The following FRMD4B variants were observed in gnomAD, a reference collection of about 807,000 sequenced individuals.
FRMD4B encodes FERM domain-containing protein 4B.
Under a neutral mutation model 141.5 loss-of-function variants are expected in FRMD4B, and 74 were observed. The ratio of observed to expected loss-of-function variants is 0.52; its 90% CI spans 0.43 to 0.63. The LOEUF (loss-of-function observed/expected upper bound fraction) is 0.63, where lower values mean the gene tolerates loss of function less well. FRMD4B is among the 30% of genes least tolerant of loss of function. The pLI is 0.00. For missense variants in FRMD4B, 1,366 were observed against 1,253.4 expected, an observed-to-expected ratio of 1.09 and a Z score of -1.36; for synonymous variants, 506 against 467.9, an observed-to-expected ratio of 1.08 and a Z score of -1.05.
chr3:69,526,461 A>C (rs919079056), intron 1 of FRMD4B, among the ~76,000 whole-genome samples: 3 of 152,142 alleles, frequency 2.0e-5, no homozygotes, highest in African/African-American at 7.2e-5. Flanking sequence ...GACGAACTTG[A>C]ATAAGACACC....
chr3:69,430,675 C>A (rs1241355556), intron 2 of FRMD4B, among the ~76,000 whole-genome samples: 2 of 152,138 alleles, frequency 1.3e-5, no homozygotes, highest in Admixed American at 6.6e-5. Flanking sequence ...ACTGAAGAGA[C>A]AAATTAATTC....
chr3:69,215,348 G>A (rs1351789088), intron 11 of FRMD4B, among the ~76,000 whole-genome samples: 3 of 105,418 alleles, frequency 2.8e-5, no homozygotes, highest in African/African-American at 7.0e-5. Flanking sequence ...GCTGGAGTGC[G>A]GTGGCACAAT....
chr3:69,204,724 G>A (rs1432012077), intron 11 of FRMD4B, among the ~76,000 whole-genome samples: 6 of 152,164 alleles, frequency 3.9e-5, no homozygotes, highest in Admixed American at 1.3e-4. Context: ...GGCTGTCGAA[G>A]TGACAGTCAT....
rs1177216272 is a variant in FRMD4B at position 69,232,907 on chromosome 3, GTTGT to G, written c.582-8221_582-8218del. Among the ~76,000 whole-genome samples, 16 of 117,762 alleles carry G rather than the reference GTTGT, an allele frequency of 1.4e-4. 1 individual carries two copies. Among genetic ancestry groups the G allele is most frequent in the Non-Finnish European group, 1.7e-5 (1 of 59,236 alleles). 77.3% of individuals were successfully genotyped at this position (117,762 alleles called of 152,430 possible). A position where few individuals can be genotyped will look rare whatever the true frequency, so the allele number is the denominator to read the frequency against. On this transcript the variant is annotated intron_variant, in intron 7 of 22. Transcript: ENST00000398540. ...CCCCAAAGTTGCAAATTTCACTTTT[GTTGT>G]TTGTTTTTTTTTTTTTTTTTGGTAG...
chr3:69,495,739 T>G (rs1164229327), intron 1 of FRMD4B, among the ~76,000 whole-genome samples: 1 of 152,190 alleles, frequency 6.6e-6, no homozygotes, highest in Admixed American at 6.6e-5. Context: ...TAGTGTTACT[T>G]TCAGTAACAC....
At chr3:69,263,663 T>C (rs2093542488) in intron 5 of FRMD4B, among the ~76,000 whole-genome samples, 1 of 150,982 alleles carries the variant, frequency 6.6e-6, no homozygotes, top group African/African-American at 2.4e-5. Context: ...CCACCCACCT[T>C]GGCCTCCCAA....
chr3:69,224,291 C>T (rs1457032486), intron 8 of FRMD4B, among the ~76,000 whole-genome samples: 3 of 152,174 alleles, frequency 2.0e-5, no homozygotes, highest in Non-Finnish European at 4.4e-5. Flanking sequence ...AGCTGCATTA[C>T]ACAGTGACTG....
intron 2 of FRMD4B, among the ~76,000 whole-genome samples, chr3:69,421,933 C>T (rs139626016): frequency 4.0e-3 from 604 of 152,320 alleles, no homozygotes; most frequent in African/African-American, 0.014. Flanking sequence ...ATAACCATAA[C>T]ACAAAAATAT....
intron 1 of FRMD4B, among the ~76,000 whole-genome samples, chr3:69,525,934 C>A (rs1207867343): frequency 6.6e-6 from 1 of 152,030 alleles, no homozygotes; most frequent in African/African-American, 2.4e-5. Context: ...GCTAGGATTA[C>A]AGGTGTGAGC....
At chr3:69,346,528 G>A (rs1702949770) in intron 1 of FRMD4B, among the ~76,000 whole-genome samples, 1 of 152,100 alleles carries the variant, frequency 6.6e-6, no homozygotes, top group Non-Finnish European at 1.5e-5. Flanking sequence ...ACACATAATT[G>A]TCAGATTCAC....
intron 1 of FRMD4B, among the ~76,000 whole-genome samples, chr3:69,328,994 T>C: frequency 6.6e-6 from 1 of 152,220 alleles, no homozygotes. Flanking sequence ...GCTTTCACTT[T>C]ACTCTATGGA....
upstream of FRMD4B, chr3:69,386,382 G>C (rs1469126009): frequency 5.8e-6 from 1 of 171,804 alleles, no homozygotes; most frequent in African/African-American, 2.4e-5. Context: ...TGCAGGCAGA[G>C]AGGGGAGCTG....
intron 5 of FRMD4B, among the ~76,000 whole-genome samples, chr3:69,261,040 A>T (rs1229857760): frequency 1.3e-5 from 2 of 152,140 alleles, no homozygotes; most frequent in Non-Finnish European, 2.9e-5. Flanking sequence ...CAGATAAGGG[A>T]ATAAAAGCAG....
At chr3:69,484,374 C>T (rs1034310609) in intron 1 of FRMD4B, among the ~76,000 whole-genome samples, 22 of 152,096 alleles carry the variant, frequency 1.4e-4, no homozygotes, top group African/African-American at 4.8e-4. Flanking sequence ...GTACCAGGTG[C>T]TATTGTTACA....
At chr3:69,235,509 A>T (rs951358557) in intron 7 of FRMD4B, among the ~76,000 whole-genome samples, 1 of 151,640 alleles carries the variant, frequency 6.6e-6, no homozygotes, top group Non-Finnish European at 1.5e-5. Flanking sequence ...AAATACAAAA[A>T]TCAGCTGGGT....
chr3:69,392,114 T>C (rs1704394083), intron 2 of FRMD4B, among the ~76,000 whole-genome samples: 1 of 152,222 alleles, frequency 6.6e-6, no homozygotes, highest in South Asian at 2.1e-4. Context: ...AAACACAGTC[T>C]TGTTCATTAG....
chr3:69,348,063 C>G (rs1703007157), intron 1 of FRMD4B, among the ~76,000 whole-genome samples: 1 of 151,786 alleles, frequency 6.6e-6, no homozygotes, highest in South Asian at 2.1e-4. Context: ...TTGAAAAGAT[C>G]AACAAAATTG....
At chr3:69,180,673 G>T (rs2092697338) in intron 21 of FRMD4B, among the ~76,000 whole-genome samples, 1 of 152,120 alleles carries the variant, frequency 6.6e-6, no homozygotes, top group Non-Finnish European at 1.5e-5. Context: ...ATGTTTGCTG[G>T]ATTTGAATCT....
At chr3:69,187,021 T>C (rs2092775413) in intron 19 of FRMD4B, among the ~76,000 whole-genome samples, 1 of 152,162 alleles carries the variant, frequency 6.6e-6, no homozygotes, top group East Asian at 1.9e-4. Flanking sequence ...TTATCTATTT[T>C]ACAGATTATG....
Sources: gnomAD v4.1 joint callset for allele counts (sites outside exome capture counted in the v4.1 genomes callset) on GRCh38, gnomAD v4.1.1 for gene constraint, MANE v1.5 for transcripts, NCBI Gene and HGNC (gene_info 2026-07-23, HGNC 2026-07-21) for gene names.